The following TLDC2 variants were observed in gnomAD, a reference collection of about 807,000 sequenced individuals.
TLDC2 encodes TLD domain-containing protein 2.
TLDC2 carries 23 observed loss-of-function variants against 27.9 expected under a neutral mutation model. The observed-to-expected ratio is 0.82, with a 90% CI of 0.59 to 1.17. TLDC2 has a LOEUF of 1.17. TLDC2 is among the 50% of genes most tolerant of loss of function. The pLI, the probability that TLDC2 is intolerant of heterozygous loss-of-function variation, is 0.00. For synonymous variants in TLDC2, 124 were observed against 107.4 expected (o/e 1.16, Z -0.96); for missense variants, 286 against 273.4 (o/e 1.05, Z -0.32).
Position 36,893,854 on chromosome 20 carries a change from G to T in TLDC2, c.*1010G>T, listed in dbSNP as rs1464559806. ...TACTCTGTCTCACAGGAGCTACTCC[G>T]GTAAATTACATTTCTCAGCTCCCAT... is the stretch of plus-strand genomic sequence containing the variant. On this transcript the variant is annotated 3_prime_UTR_variant, in exon 7 of 7. Coordinates refer to ENST00000217320, the MANE Select transcript of TLDC2 (RefSeq NM_080628.3). The T allele has an allele frequency of 7.5e-6, 3 of 398,388 alleles. No individual in the cohort carries two copies. Among genetic ancestry groups the T allele is most frequent in the Non-Finnish European group, 1.3e-5 (3 of 226,060 alleles). 24.7% of individuals were successfully genotyped at this position (398,388 alleles called of 1,614,324 possible). A position where few individuals can be genotyped will look rare whatever the true frequency, so the allele number is the denominator to read the frequency against.
At chr20:36,876,345 G>A (rs940751453) in intron 1 of TLDC2, 138 bp downstream of exon 1, 5 of 1,177,054 alleles carry the variant, frequency 4.2e-6, no homozygotes, top group South Asian at 3.8e-5. Context: ...GCAGGCCTGT[G>A]GTTTGGAGCA....
intron 6 of TLDC2, chr20:36,892,575 G>A (rs1424458270): frequency 3.3e-5 from 10 of 302,106 alleles, no homozygotes. Flanking sequence ...AGGGTCGCTT[G>A]AGCCCAGGAA....
At chr20:36,884,865 C>T (rs1989887417) in intron 4 of TLDC2, among the ~76,000 whole-genome samples, 1 of 146,814 alleles carries the variant, frequency 6.8e-6, no homozygotes, top group South Asian at 2.1e-4. Flanking sequence ...CATCATTTAA[C>T]ACAGAAATTC....
intron 4 of TLDC2, among the ~76,000 whole-genome samples, chr20:36,881,252 C>T (rs913251716): frequency 6.6e-6 from 1 of 152,064 alleles, no homozygotes; most frequent in African/African-American, 2.4e-5. Flanking sequence ...TGGTAGAGTA[C>T]ACCTGTAGTC....
chr20:36,887,971 G>GCAA (rs1028206028), intron 5 of TLDC2, among the ~76,000 whole-genome samples: 3 of 152,092 alleles, frequency 2.0e-5, no homozygotes, highest in Non-Finnish European at 2.9e-5. Flanking sequence ...CATTCAGGGG[G>GCAA]CATGCGTCTT....
chr20:36,887,005 G>A (rs938890164), intron 4 of TLDC2, among the ~76,000 whole-genome samples: 1 of 152,112 alleles, frequency 6.6e-6, no homozygotes, highest in Non-Finnish European at 1.5e-5. Context: ...CCAGGCAGAG[G>A]ACGGGATAGA....
chr20:36,894,113 C>G lies in TLDC2; in HGVS notation c.*1269C>G, dbSNP rs928842499. The stretch of plus-strand genomic sequence containing the variant: ...TGGTAGCAGCTTCCTGCTGTTGAAT[C>G]ACTGTCCTCTATGCTCATTTAGCTC... On this transcript the variant is annotated 3_prime_UTR_variant, in exon 7 of 7. Transcript: ENST00000217320. 5.0e-6 allele frequency: 2 copies of G among 396,156 alleles called. No individual in the cohort carries two copies. Among genetic ancestry groups the G allele is most frequent in the African/African-American group, 4.1e-5 (2 of 48,606 alleles). 24.5% of individuals were successfully genotyped at this position (396,156 alleles called of 1,614,324 possible). A position where few individuals can be genotyped will look rare whatever the true frequency, so the allele number is the denominator to read the frequency against.
chr20:36,880,802 C>A (rs765390716), intron 4 of TLDC2, 52 bp downstream of exon 4: 1 of 1,547,820 alleles, frequency 6.5e-7, no homozygotes. Flanking sequence ...CGAGACAAAG[C>A]TCCCGGGGTC....
chr20:36,877,454 C>T (rs1989697704), intron 1 of TLDC2, among the ~76,000 whole-genome samples: 1 of 151,834 alleles, frequency 6.6e-6, no homozygotes, highest in Non-Finnish European at 1.5e-5. Flanking sequence ...ACACTGAACA[C>T]AGGCCTGGGC....
chr20:36,893,291 T>A lies in TLDC2; in HGVS notation c.*447T>A. 1.7e-6 allele frequency: 1 copy of A among 590,296 alleles called. No individual in the cohort carries two copies. The highest frequency in any genetic ancestry group is 3.0e-6 in the Non-Finnish European group (1 of 334,154). 36.6% of individuals were successfully genotyped at this position (590,296 alleles called of 1,614,324 possible). A position where few individuals can be genotyped will look rare whatever the true frequency, so the allele number is the denominator to read the frequency against. ...GCCTTCATGAAAACAGCCACTGGCC[T>A]CTGCAGAGATGACTGGGAGCAGCAT... On this transcript the variant is annotated 3_prime_UTR_variant, in exon 7 of 7. Coordinates refer to ENST00000217320, the MANE Select transcript of TLDC2 (RefSeq NM_080628.3).
chr20:36,887,630 C>G (rs182823964), intron 5 of TLDC2, 102 bp downstream of exon 5: 35 of 1,119,372 alleles, frequency 3.1e-5, no homozygotes, highest in Non-Finnish European at 4.5e-5. Flanking sequence ...AATGGCGAGG[C>G]TAGTGGGGAA....
At chr20:36,889,147 C>T in intron 5 of TLDC2, 104 bp from the exon 6 acceptor site, 1 of 1,514,126 alleles carries the variant, frequency 6.6e-7, no homozygotes, top group Non-Finnish European at 8.9e-7. Context: ...ACAGGTGAAA[C>T]TGGGCTGCCG....
rs564711538 is a variant in TLDC2, at chr20:36,881,856, G to A, written c.438+1106G>A. On this transcript the variant is annotated intron_variant, in intron 4 of 6. Coordinates refer to ENST00000217320, the MANE Select transcript of TLDC2 (RefSeq NM_080628.3). ...AATGTGTTGGAAGACAGGATACAGT[G>A]GACAGAGAGAGGGACATTTGAAATA... Among the ~76,000 whole-genome samples the A allele has an allele frequency of 3.9e-5, 6 of 152,284 alleles. No individual in the cohort carries two copies. The South Asian group carries it at 1.2e-3, about 32-fold the overall frequency.
chr20:36,890,242 C>T (rs1990028006), intron 6 of TLDC2: 1 of 152,146 alleles, frequency 6.6e-6, no homozygotes. Context: ...ATTCACGAAG[C>T]TTTATTGCAG....
intron 1 of TLDC2, among the ~76,000 whole-genome samples, 193 bp downstream of exon 1, chr20:36,876,400 G>T (rs1176440801): frequency 6.6e-6 from 1 of 152,194 alleles, no homozygotes; most frequent in Non-Finnish European, 1.5e-5. Flanking sequence ...CTGCTCCAAG[G>T]TTCTCAAGGG....
rs1990150377 is a variant in TLDC2, at chr20:36,894,172, ATTT to A, written c.*1332_*1334del. The A allele has an allele frequency of 5.2e-6, 2 of 385,898 alleles. No homozygotes were observed. Among genetic ancestry groups the A allele is most frequent in the Admixed American group, 4.5e-5 (1 of 22,374 alleles). 23.9% of individuals were successfully genotyped at this position (385,898 alleles called of 1,614,324 possible). On this transcript the variant is annotated 3_prime_UTR_variant, in exon 7 of 7. Transcript: ENST00000217320. ...CTTTTGTATCTCACCCCCATGTTAAATTTTTTCTGTTGAACTACACTGGATCTG... is the reference window on the plus strand; with the variant it reads ...CTTTTGTATCTCACCCCCATGTTAAATTTCTGTTGAACTACACTGGATCTG...
Position 36,878,167 on chromosome 20 carries a change from C to T in TLDC2, c.189+113C>T, listed in dbSNP as rs1989718184. 4 of 1,201,810 alleles carry T rather than the reference C, an allele frequency of 3.3e-6. No homozygotes were observed. In the African/African-American group the frequency reaches 6.3e-5, roughly 19 times the overall value. 74.4% of individuals were successfully genotyped at this position (1,201,810 alleles called of 1,614,324 possible). A position where few individuals can be genotyped will look rare whatever the true frequency, so the allele number is the denominator to read the frequency against. ...CCTAGAGTCACTCTTGCTCTGTTCT[C>T]ATCATGCGTTACCTCCGGCAAATTG... is the stretch of plus-strand genomic sequence containing the variant. On this transcript the variant is annotated intron_variant, in intron 2 of 6. Transcript: ENST00000217320.
At position 36,893,049 on chromosome 20, in the gene TLDC2, G is replaced by A; in HGVS notation, c.*205G>A. On this transcript the variant is annotated 3_prime_UTR_variant, in exon 7 of 7. Coordinates refer to ENST00000217320, the MANE Select transcript of TLDC2 (RefSeq NM_080628.3). ...CCTTTTTTTGAGGTGTTATGAGTGGGGCTATAACATCGCCATCCTATTAGG... is the reference window on the plus strand; with the variant it reads ...CCTTTTTTTGAGGTGTTATGAGTGGAGCTATAACATCGCCATCCTATTAGG... The A allele has an allele frequency of 6.2e-7, 1 of 1,613,486 alleles. No homozygotes were observed. The highest frequency in any genetic ancestry group is 8.5e-7 in the Non-Finnish European group (1 of 1,179,992).
intron 4 of TLDC2, among the ~76,000 whole-genome samples, chr20:36,885,152 C>T (rs948736797): frequency 1.3e-5 from 2 of 152,190 alleles, no homozygotes; most frequent in Admixed American, 1.3e-4. Flanking sequence ...GTTGGGATTA[C>T]AGGCGTGAGC....
Sources: gnomAD v4.1 joint callset for allele counts (sites outside exome capture counted in the v4.1 genomes callset) on GRCh38, gnomAD v4.1.1 for gene constraint, MANE v1.5 for transcripts, NCBI Gene and HGNC (gene_info 2026-07-23, HGNC 2026-07-21) for gene names.